Variants in ASIC2 observed in about 807,000 individuals in gnomAD.
ASIC2 encodes acid sensing ion channel subunit 2.
In ASIC2, 25 loss-of-function variants were observed where a neutral mutation model predicts 57.3. The ratio of observed to expected loss-of-function variants is 0.44; its 90% CI spans 0.32 to 0.61. The LOEUF is 0.61. Among genes scored for constraint, ASIC2 ranks in the 20% least tolerant of loss-of-function variants. ASIC2 has a pLI of 0.06. For synonymous variants in ASIC2, 319 were observed against 307.5 expected, an observed-to-expected ratio of 1.04 and a Z score of -0.39; for missense variants, 641 against 738.1, an observed-to-expected ratio of 0.87 and a Z score of 1.52.
At chr17:33,570,787 G>A (rs1286482487) in intron 1 of ASIC2, among the ~76,000 whole-genome samples, 1 of 152,102 alleles carries the variant, frequency 6.6e-6, no homozygotes, top group East Asian at 1.9e-4. Context: ...GACTGGAATG[G>A]CTGGGATGAC....
At position 34,031,364 on chromosome 17, in the gene ASIC2, C is replaced by A. The variant is rs140135756; in HGVS notation, c.555+124614G>T. ...ATCCACACCAAAAACCCATCTGTAC[C>A]TCACCATCATCAAAGACCAAAGGTA... is the stretch of plus-strand genomic sequence containing the variant. On this transcript the variant is annotated intron_variant, in intron 1 of 9. Coordinates refer to the ASIC2 transcript ENST00000359872. Among the ~76,000 whole-genome samples the A allele has an allele frequency of 1.3e-3, 201 of 152,194 alleles. 1 individual carries two copies. The highest frequency in any genetic ancestry group is 4.6e-3 in the African/African-American group (192 of 41,520).
intron 1 of ASIC2, among the ~76,000 whole-genome samples, chr17:33,742,145 T>A (rs537645943): frequency 1.3e-5 from 2 of 152,316 alleles, no homozygotes; most frequent in African/African-American, 4.8e-5. Flanking sequence ...GTTGTTCATA[T>A]CGATCTGGAT....
intron 1 of ASIC2, among the ~76,000 whole-genome samples, chr17:33,324,751 T>G (rs1885687584): frequency 6.6e-6 from 1 of 152,170 alleles, no homozygotes; most frequent in Non-Finnish European, 1.5e-5. Context: ...AACAGCATCT[T>G]TGACAGCACA....
chr17:34,030,194 C>T (rs745730871), intron 1 of ASIC2, among the ~76,000 whole-genome samples: 3 of 152,280 alleles, frequency 2.0e-5, no homozygotes, highest in Non-Finnish European at 4.4e-5. Flanking sequence ...AGAAAGAGTG[C>T]ACACTTTAAT....
intron 1 of ASIC2, among the ~76,000 whole-genome samples, chr17:33,877,165 G>A (rs919004875): frequency 2.0e-5 from 3 of 152,202 alleles, no homozygotes; most frequent in African/African-American, 7.2e-5. Flanking sequence ...CCGAATAGGA[G>A]CTCCAGTCTA....
At chr17:33,120,479 G>C (rs1176781649) in intron 1 of ASIC2, among the ~76,000 whole-genome samples, 1 of 152,214 alleles carries the variant, frequency 6.6e-6, no homozygotes, top group East Asian at 1.9e-4. Flanking sequence ...GTGTTCTCCT[G>C]GCAGATGACA....
At chr17:34,124,517 C>T (rs1375886218) in intron 1 of ASIC2, among the ~76,000 whole-genome samples, 1 of 152,178 alleles carries the variant, frequency 6.6e-6, no homozygotes, top group Non-Finnish European at 1.5e-5. Flanking sequence ...GATGGGTTTG[C>T]CTGTTCAGCT....
At chr17:34,036,378 G>A (rs1253687605) in intron 1 of ASIC2, among the ~76,000 whole-genome samples, 1 of 110,104 alleles carries the variant, frequency 9.1e-6, no homozygotes, top group Non-Finnish European at 1.7e-5. Flanking sequence ...GTTGTGGGGT[G>A]GGGGGAGGGG....
chr17:33,868,139 T>C (rs1190580234), intron 1 of ASIC2, among the ~76,000 whole-genome samples: 1 of 152,126 alleles, frequency 6.6e-6, no homozygotes, highest in Admixed American at 6.6e-5. Context: ...CTATAATTTA[T>C]TTATGTGCCC....
chr17:33,711,324 C>G (rs1414939705), intron 1 of ASIC2, among the ~76,000 whole-genome samples: 1 of 152,184 alleles, frequency 6.6e-6, no homozygotes, highest in Non-Finnish European at 1.5e-5. Flanking sequence ...CAGTACTCAT[C>G]ATGGATACGT....
At chr17:33,313,137 G>T (rs1906500876) in intron 1 of ASIC2, among the ~76,000 whole-genome samples, 1 of 151,886 alleles carries the variant, frequency 6.6e-6, no homozygotes, top group Admixed American at 6.6e-5. Context: ...GAGCAATATA[G>T]TGAGAGCCCC....
chr17:34,040,106 G>T (rs1908061140), intron 1 of ASIC2, among the ~76,000 whole-genome samples: 1 of 127,558 alleles, frequency 7.8e-6, no homozygotes, highest in African/African-American at 3.5e-5. Context: ...CGCGTACAGA[G>T]CCAGGCGCCC....
At chr17:33,139,738 GC>G (rs2092379902) in intron 1 of ASIC2, among the ~76,000 whole-genome samples, 1 of 152,164 alleles carries the variant, frequency 6.6e-6, no homozygotes, top group South Asian at 2.1e-4. Flanking sequence ...CCTATCATGG[GC>G]CATGCCTTGA....
At chr17:33,705,992 C>T (rs1052627529) in intron 1 of ASIC2, among the ~76,000 whole-genome samples, 1 of 151,920 alleles carries the variant, frequency 6.6e-6, no homozygotes, top group Non-Finnish European at 1.5e-5. Flanking sequence ...TGCATGTATA[C>T]GTTATATGTG....
At chr17:34,062,272 G>A (rs1172651371) in intron 1 of ASIC2, among the ~76,000 whole-genome samples, 1 of 151,942 alleles carries the variant, frequency 6.6e-6, no homozygotes, top group African/African-American at 2.4e-5. Context: ...TCCTGAATGA[G>A]CACTGGATCA....
At chr17:33,594,327 G>T (rs1011715155) in intron 1 of ASIC2, among the ~76,000 whole-genome samples, 1 of 152,236 alleles carries the variant, frequency 6.6e-6, no homozygotes, top group African/African-American at 2.4e-5. Context: ...ACCAGAGCAG[G>T]TACGGCTCTG....
chr17:34,124,979 T>C (rs886478607), intron 1 of ASIC2, among the ~76,000 whole-genome samples: 2 of 149,788 alleles, frequency 1.3e-5, no homozygotes, highest in Non-Finnish European at 2.9e-5. Flanking sequence ...GGAAATGTCC[T>C]GTTCACCCAC....
At chr17:33,104,058 G>C (rs1317298558) in intron 2 of ASIC2, among the ~76,000 whole-genome samples, 1 of 152,078 alleles carries the variant, frequency 6.6e-6, no homozygotes, top group Non-Finnish European at 1.5e-5. Context: ...CTCAGTGCAG[G>C]CCCTCAGTTC....
At chr17:33,068,723 C>A (rs1393010503) in intron 3 of ASIC2, among the ~76,000 whole-genome samples, 3 of 152,102 alleles carry the variant, frequency 2.0e-5, no homozygotes, top group African/African-American at 7.2e-5. Context: ...TTAATGATAA[C>A]TTGTGCTTTT....
Sources: allele counts gnomAD v4.1 joint callset (sites outside exome capture counted in the v4.1 genomes callset), GRCh38; gene constraint gnomAD v4.1.1; transcripts MANE v1.5; gene names NCBI Gene and HGNC (gene_info 2026-07-23, HGNC 2026-07-21).